Variants in UCK2 observed in about 807,000 individuals in gnomAD.
The protein encoded by UCK2 is cytidine monophosphokinase 2.
A neutral mutation model predicts 30.8 loss-of-function variants in UCK2; 6 were observed. The ratio of observed to expected loss-of-function variants is 0.19; its 90% CI spans 0.11 to 0.38. The LOEUF is 0.38. UCK2 is among the 10% of genes least tolerant of loss of function. The pLI, the probability that UCK2 is intolerant of heterozygous loss-of-function variation, is 1.00. For synonymous variants in UCK2, 125 were observed against 133.6 expected (o/e 0.94, Z 0.45); for missense variants, 210 against 339.8 (o/e 0.62, Z 3.00).
intron 1 of UCK2, among the ~76,000 whole-genome samples, chr1:165,865,637 A>G (rs1230876539): frequency 1.3e-5 from 2 of 152,122 alleles, no homozygotes; most frequent in Non-Finnish European, 2.9e-5. Flanking sequence ...AGCTACCGAC[A>G]GACTGTCCAT....
chr1:165,828,882 C>T (rs1236241483), intron 1 of UCK2, among the ~76,000 whole-genome samples: 2 of 152,148 alleles, frequency 1.3e-5, no homozygotes, highest in Non-Finnish European at 2.9e-5. Flanking sequence ...CCGTTTAACA[C>T]CCTCCAACTT....
intron 1 of UCK2, among the ~76,000 whole-genome samples, chr1:165,837,633 T>G (rs996348044): frequency 1.3e-5 from 2 of 152,220 alleles, no homozygotes; most frequent in South Asian, 4.1e-4. Flanking sequence ...TGTGTGGTCC[T>G]TGCTTGTTTA....
intron 1 of UCK2, among the ~76,000 whole-genome samples, chr1:165,884,727 C>T (rs187722499): frequency 3.9e-5 from 6 of 152,322 alleles, no homozygotes; most frequent in Admixed American, 2.6e-4. Context: ...CTGTCAGAGC[C>T]ACCTCCAGGG....
intron 1 of UCK2, among the ~76,000 whole-genome samples, chr1:165,853,158 A>G (rs1042523177): frequency 6.6e-6 from 1 of 152,210 alleles, no homozygotes; most frequent in South Asian, 2.1e-4. Flanking sequence ...CTTTAGCGCT[A>G]GTGCTGAGAG....
At chr1:165,857,602 G>A (rs1211145359) in intron 1 of UCK2, among the ~76,000 whole-genome samples, 2 of 152,130 alleles carry the variant, frequency 1.3e-5, no homozygotes, top group Admixed American at 1.3e-4. Flanking sequence ...GCATGTGCTG[G>A]GTGGCATTTC....
chr1:165,866,289 C>T (rs990333320), intron 1 of UCK2, among the ~76,000 whole-genome samples: 1 of 152,162 alleles, frequency 6.6e-6, no homozygotes. Context: ...TGTAGGACAA[C>T]GTTTCCCCTG....
chr1:165,841,111 G>GTGTATATATA (rs1467504223), intron 1 of UCK2, among the ~76,000 whole-genome samples: 1 of 144,936 alleles, frequency 6.9e-6, no homozygotes, highest in African/African-American at 2.6e-5. Flanking sequence ...GTGTGTGTGT[G>GTGTATATATA]TATATATATA....
chr1:165,847,133 A>AG (rs1410277337), intron 1 of UCK2, among the ~76,000 whole-genome samples: 3 of 152,116 alleles, frequency 2.0e-5, no homozygotes, highest in Non-Finnish European at 4.4e-5. Flanking sequence ...AAAAAAAAAA[A>AG]GTATATGGTA....
intron 1 of UCK2, among the ~76,000 whole-genome samples, chr1:165,863,027 A>T (rs1654958016): frequency 6.6e-6 from 1 of 152,218 alleles, no homozygotes; most frequent in Non-Finnish European, 1.5e-5. Context: ...CCAGATGGGG[A>T]ACATAGGAAA....
In UCK2 at chr1:165,847,057, G is replaced by A. The variant is rs1457804384; in HGVS notation, c.99+19125G>A. On this transcript the variant is annotated intron_variant, in intron 1 of 6. Transcript: ENST00000367879. The stretch of plus-strand genomic sequence containing the variant: ...GCCAGTTAATGAGGCTGCTGCTGCT[G>A]TGAAGTGTGTGTGTGCTTGTATATT... 2.0e-5 allele frequency among the ~76,000 whole-genome samples: 3 copies of A among 152,034 alleles called. 1 individual carries two copies. Among genetic ancestry groups the A allele is most frequent in the Admixed American group, 2.0e-4 (3 of 15,268 alleles).
chr1:165,888,501 A>G (rs1325967009), intron 1 of UCK2, among the ~76,000 whole-genome samples: 2 of 152,108 alleles, frequency 1.3e-5, no homozygotes, highest in African/African-American at 4.8e-5. Context: ...CATGTTGGCC[A>G]GGCTAGTCTC....
chr1:165,859,652 G>A (rs78908636), intron 1 of UCK2, among the ~76,000 whole-genome samples: 2,860 of 152,088 alleles, frequency 0.019, 43 homozygotes, highest in African/African-American at 0.043. Context: ...TAAAATTCTT[G>A]TCTCTACAAA....
rs1647836241 is a variant in UCK2, at chr1:165,910,830, G to C, written c.*3007G>C. 6.6e-6 allele frequency: 1 copy of C among 152,256 alleles called. No individual in the cohort carries two copies. Among genetic ancestry groups the C allele is most frequent in the Non-Finnish European group, 1.5e-5 (1 of 68,076 alleles). The allele number at this position is 152,256 out of a possible 1,614,324, so 9.4% of individuals were successfully genotyped here. A position where few individuals can be genotyped will look rare whatever the true frequency, so the allele number is the denominator to read the frequency against. On this transcript the variant is annotated 3_prime_UTR_variant, in exon 7 of 7. Transcript: ENST00000367879. ...TGGTCTTGGCCACTTGGCAATCATG[G>C]GGAAGTTGACTCCCCGCCTCACTTG...
chr1:165,890,051 C>T (rs1004027294), intron 1 of UCK2, among the ~76,000 whole-genome samples, 153 bp from the exon 2 acceptor site: 5 of 152,124 alleles, frequency 3.3e-5, no homozygotes, highest in Non-Finnish European at 7.3e-5. Flanking sequence ...ATCCCTTAGC[C>T]CTTTAACTCA....
chr1:165,854,596 T>TAAAA (rs1261533159), intron 1 of UCK2, among the ~76,000 whole-genome samples: 1 of 120,262 alleles, frequency 8.3e-6, no homozygotes, highest in Non-Finnish European at 1.7e-5. Flanking sequence ...CTTCCTTTTT[T>TAAAA]AAAAATAAAT....
At chr1:165,833,424 C>G (rs1654102979) in intron 1 of UCK2, among the ~76,000 whole-genome samples, 1 of 152,052 alleles carries the variant, frequency 6.6e-6, no homozygotes, top group African/African-American at 2.4e-5. Context: ...TTCACTGAGC[C>G]ATGCCTAGCA....
At chr1:165,901,870 G>A (rs542864594) in intron 4 of UCK2, among the ~76,000 whole-genome samples, 5 of 150,498 alleles carry the variant, frequency 3.3e-5, no homozygotes, top group Non-Finnish European at 7.4e-5. Context: ...AGCACTTTGG[G>A]AGGCCGAGGC....
chr1:165,849,403 T>C (rs1654536924), intron 1 of UCK2, among the ~76,000 whole-genome samples: 2 of 151,998 alleles, frequency 1.3e-5, no homozygotes, highest in East Asian at 3.9e-4. Context: ...AAGAGTGGAC[T>C]CGGGACCACA....
chr1:165,854,167 G>C (rs776813067), intron 1 of UCK2, among the ~76,000 whole-genome samples: 2 of 152,178 alleles, frequency 1.3e-5, no homozygotes, highest in Admixed American at 6.5e-5. Flanking sequence ...TGGAGCAGTG[G>C]GATCTGGAGT....
Sources: gnomAD v4.1 joint callset for allele counts (sites outside exome capture counted in the v4.1 genomes callset) on GRCh38, gnomAD v4.1.1 for gene constraint, MANE v1.5 for transcripts, NCBI Gene and HGNC (gene_info 2026-07-23, HGNC 2026-07-21) for gene names.